MYO7B: variants seen among roughly 807,000 people sequenced by gnomAD.
The protein encoded by MYO7B is unconventional myosin-VIIb.
Under a neutral mutation model 259.7 loss-of-function variants are expected in MYO7B, and 212 were observed. The observed-to-expected ratio is 0.82, with a 90% confidence interval of 0.73 to 0.91. The LOEUF (loss-of-function observed/expected upper bound fraction) is 0.91, where lower values mean the gene tolerates loss of function less well. MYO7B is among the 40% of genes least tolerant of loss of function. The probability of loss-of-function intolerance (pLI) is 0.00; values close to 1 mark genes in which losing one functional copy is unlikely to be tolerated. For missense variants in MYO7B, 2,732 were observed against 2,813.5 expected (o/e 0.97, Z 0.66); for synonymous variants, 1,197 against 1,166.4 (o/e 1.03, Z -0.54).
chr2:127,596,417 A>G, intron 18 of MYO7B, 45 bp from the exon 19 acceptor site: 1 of 1,459,948 alleles, frequency 6.8e-7, no homozygotes, highest in Non-Finnish European at 9.5e-7. Context: ...CAGGGGCTGT[A>G]GGGTGAGGGT....
chr2:127,637,375 C>T lies in MYO7B; in HGVS notation c.6387C>T (p.Asn2129=). 6.3e-7 allele frequency: 1 copy of T among 1,584,848 alleles called. No homozygotes were observed. The highest frequency in any genetic ancestry group is 8.6e-7 in the Non-Finnish European group (1 of 1,165,406). ...SYVQQLLSAM[N]KQRGSKAPAL... is the part of the protein sequence containing the mutation. ...TGCAGCAGCTCCTGAGTGCCATGAA[C>T]AAGCAGCGGGGCTCCAAGGCCCCAG... The change falls in exon 48 of 48, where the codon AAC becomes AAT. Residue 2129 remains asparagine, a synonymous_variant. Transcript: ENST00000409816.
At chr2:127,557,414 C>A (rs142705789) in intron 1 of MYO7B, among the ~76,000 whole-genome samples, 1,893 of 152,080 alleles carry the variant, frequency 0.012, 35 homozygotes, top group African/African-American at 0.044. Context: ...TCAGGGATTT[C>A]TTCTTGGTTT....
chr2:127,611,706 A>G lies in MYO7B; in HGVS notation c.3193-544A>G, dbSNP rs1680393890. Reference sequence around the variant, plus strand: ...AGCAAATTCTTCTCATGACGCCATCATGAGAAGGGGCGGCCTCTGCCTAAG... The same window carrying G: ...AGCAAATTCTTCTCATGACGCCATCGTGAGAAGGGGCGGCCTCTGCCTAAG... On this transcript the variant is annotated intron_variant, in intron 24 of 47. Transcript: ENST00000409816. This position sits in a 1 kb window ranked among gnomAD's most constrained non-coding sequence, Gnocchi z 5.4. 6.6e-6 allele frequency among the ~76,000 whole-genome samples: 1 copy of G among 152,274 alleles called. No homozygotes were observed. The highest frequency in any genetic ancestry group is 1.9e-4 in the East Asian group (1 of 5,156).
chr2:127,596,642 A>G, intron 19 of MYO7B, 86 bp downstream of exon 19: 2 of 1,145,388 alleles, frequency 1.7e-6, no homozygotes, highest in East Asian at 2.6e-5. Flanking sequence ...CCAGGATCAC[A>G]TGTTCCCGCT....
chr2:127,635,645 C>T (rs1375971350), intron 43 of MYO7B, 77 bp from the exon 44 acceptor site: 2 of 1,450,130 alleles, frequency 1.4e-6, no homozygotes, highest in Non-Finnish European at 1.9e-6. Context: ...AGTTCCCCAC[C>T]ATCTGAGCGG....
intron 1 of MYO7B, among the ~76,000 whole-genome samples, chr2:127,558,759 T>G (rs4662736): frequency 0.84 from 128,419 of 152,190 alleles, 54,610 homozygotes; most frequent in East Asian, 1. Flanking sequence ...GATGGGATTG[T>G]AGACTCTTAT....
chr2:127,615,911 C>T lies in MYO7B; in HGVS notation c.3398+3308C>T, dbSNP rs949534766. Among the ~76,000 whole-genome samples the T allele has an allele frequency of 6.6e-6, 1 of 152,216 alleles. No homozygotes were observed. Among genetic ancestry groups the T allele is most frequent in the Non-Finnish European group, 1.5e-5 (1 of 68,044 alleles). ...GCCCGTGGTTGGGATCCACAGGTCC[C>T]TCCAGTCTCCCGTTGCATGGTCGCA... On this transcript the variant is annotated intron_variant, in intron 26 of 47. Transcript: ENST00000409816. The surrounding 1 kb of genome is among the most constrained non-coding windows in gnomAD (Gnocchi z 4.4).
At position 127,565,241 on chromosome 2, in the gene MYO7B, G is replaced by A; in HGVS notation, c.141G>A (p.Trp47Ter). Residue 47 changes from tryptophan to a stop codon, truncating the protein, a stop_gained, in exon 4 of 48, where the codon TGG becomes TGA. Transcript: ENST00000409816. LOFTEE classifies it high-confidence loss of function. Reference protein sequence around the residue: ...LVEDDEGKEHWIRAEDFGVLS... With the variant: ...LVEDDEGKEH ...TGCACCCATTGTTCCAGGAACACTGGATCCGAGCAGAGGACTTTGGTGTCC... is the reference window on the plus strand; with the variant it reads ...TGCACCCATTGTTCCAGGAACACTGAATCCGAGCAGAGGACTTTGGTGTCC... The A allele has an allele frequency of 6.2e-7, 1 of 1,613,764 alleles. No homozygotes were observed. The highest frequency in any genetic ancestry group is 8.5e-7 in the Non-Finnish European group (1 of 1,179,788).
At position 127,585,184 on chromosome 2, in the gene MYO7B, T is replaced by C. The variant is rs1241443924; in HGVS notation, c.1690+271T>C. Among the ~76,000 whole-genome samples, 1 of 152,216 alleles carries C rather than the reference T, an allele frequency of 6.6e-6. No homozygotes were observed. The highest frequency in any genetic ancestry group is 2.4e-5 in the African/African-American group (1 of 41,456). On this transcript the variant is annotated intron_variant, in intron 14 of 47. Transcript: ENST00000409816. This position sits in a 1 kb window ranked among gnomAD's most constrained non-coding sequence, Gnocchi z 4.3. ...TTGACTGTAATATATTCAGAGTATA[T>C]TAATGATTGCCACAATTTTAGAACT...
At position 127,628,465 on chromosome 2, in the gene MYO7B, G is replaced by A. The variant is rs376979966; in HGVS notation, c.4554G>A (p.Val1518=). Residue 1518 remains valine (V), a synonymous_variant, in exon 34 of 48, where the codon GTG becomes GTA. Transcript: ENST00000409816. The surrounding 1 kb of genome is among the most constrained non-coding windows in gnomAD (Gnocchi z 4.8). ...SPSSVAIAEL[V]ALFLEGLKER... ...GCAGTGTGGCCATCGCTGAGCTGGT[G>A]GCCCTGTTCCTGGAGGGCCTGAAGG... The A allele has an allele frequency of 1.4e-4, 222 of 1,572,488 alleles. 2 individuals carry two copies. In the African/African-American group the frequency reaches 2.5e-3, roughly 17 times the overall value.
chr2:127,635,262 AC>A, intron 43 of MYO7B, 36 bp downstream of exon 43: 2 of 1,561,524 alleles, frequency 1.3e-6, no homozygotes, highest in Non-Finnish European at 1.8e-6. Context: ...CACTGGGGCC[AC>A]CCCCATCTTC....
intron 4 of MYO7B, among the ~76,000 whole-genome samples, 168 bp from the exon 5 acceptor site, chr2:127,566,475 G>A (rs76252345): frequency 0.012 from 1,766 of 152,342 alleles, 38 homozygotes; most frequent in African/African-American, 0.04. Context: ...AGAGATCTGC[G>A]CAGCTGAATG....
chr2:127,558,312 A>G (rs1414339613), intron 1 of MYO7B, among the ~76,000 whole-genome samples: 5 of 152,206 alleles, frequency 3.3e-5, no homozygotes, highest in Non-Finnish European at 7.4e-5. Context: ...CCTTACTCCT[A>G]CAAGAATGGC....
rs201474640 is a variant in MYO7B, at chr2:127,552,977, GTCTCAGCATT to G, written c.-23-6706_-23-6697del. ...TTACTAACTGCATAGCCTCTGCAAA[GTCTCAGCATT>G]TCTCAGCATTTCTCAGTTTTCTCAC... On this transcript the variant is annotated intron_variant, in intron 1 of 47. Transcript: ENST00000409816. 6.9e-3 allele frequency among the ~76,000 whole-genome samples: 1,054 copies of G among 152,314 alleles called. 7 individuals carry two copies. The highest frequency in any genetic ancestry group is 0.024 in the Middle Eastern group (7 of 294).
chr2:127,628,358 T>C lies in MYO7B; in HGVS notation c.4461-14T>C, dbSNP rs111388703. ...GTGGAGGGGGCTCCTGGTCACGCTG[T>C]CCTTCATCTCCAGGGAGGCCCAGGG... On this transcript the variant is annotated splice_polypyrimidine_tract_variant and intron_variant, in intron 33 of 47. Transcript: ENST00000409816. The surrounding 1 kb of genome is among the most constrained non-coding windows in gnomAD (Gnocchi z 4.8). 1,039 of 1,593,962 alleles carry C rather than the reference T, an allele frequency of 6.5e-4. 9 individuals are homozygous for C. In the African/African-American group the frequency reaches 0.012, roughly 18 times the overall value.
chr2:127,563,729 G>C (rs531967597), intron 2 of MYO7B, among the ~76,000 whole-genome samples: 1 of 152,170 alleles, frequency 6.6e-6, no homozygotes, highest in Non-Finnish European at 1.5e-5. Flanking sequence ...TCTAGTGCTC[G>C]TTTCTGTTTC....
At chr2:127,582,981 G>A (rs111493571) in intron 12 of MYO7B, among the ~76,000 whole-genome samples, 153 of 152,308 alleles carry the variant, frequency 1.0e-3, no homozygotes, top group African/African-American at 3.5e-3. Flanking sequence ...GCTGGGGGTC[G>A]GATAGACAAA....
Position 127,584,263 on chromosome 2 carries a change from C to T in MYO7B, c.1485C>T (p.Thr495=). ...TCCACTACACCGACAATCGGCCCAC[C>T]CTGGACCTGCTGGCCCTCAAGCCCA... is the stretch of plus-strand genomic sequence containing the variant. The part of the protein sequence containing the change: ...DYIHYTDNRP[T]LDLLALKPMS... Residue 495 remains threonine (T), a synonymous_variant, in exon 13 of 48, where the codon ACC becomes ACT. Coordinates refer to ENST00000409816, the MANE Select transcript of MYO7B (RefSeq NM_001393586.1). This position sits in a 1 kb window ranked among gnomAD's most constrained non-coding sequence, Gnocchi z 5.8. 6.2e-7 allele frequency: 1 copy of T among 1,614,004 alleles called. No homozygotes were observed. The highest frequency in any genetic ancestry group is 8.5e-7 in the Non-Finnish European group (1 of 1,179,894).
chr2:127,578,539 T>C (rs924944867), intron 9 of MYO7B, among the ~76,000 whole-genome samples: 7 of 152,112 alleles, frequency 4.6e-5, no homozygotes, highest in African/African-American at 1.7e-4. Context: ...CAAAAGGGCT[T>C]CCCCCTTAAG....
Sources: gnomAD v4.1 joint callset for allele counts (sites outside exome capture counted in the v4.1 genomes callset) on GRCh38, gnomAD v4.1.1 for gene constraint, Gnocchi (gnomAD v3.1) non-coding constraint, MANE v1.5 for transcripts, NCBI Gene and HGNC (gene_info 2026-07-23, HGNC 2026-07-21) for gene names.